The following OXR1 variants were observed in gnomAD, a reference collection of about 807,000 sequenced individuals.
The protein encoded by OXR1 is oxidation resistance 1.
In OXR1, 41 loss-of-function variants were observed where a neutral mutation model predicts 104.6. That is an observed-to-expected ratio of 0.39 (90% CI 0.31 to 0.51). The LOEUF is 0.51. Among genes scored for constraint, OXR1 ranks in the 20% least tolerant of loss-of-function variants. The probability of loss-of-function intolerance (pLI) is 0.77; values close to 1 mark genes in which losing one functional copy is unlikely to be tolerated. For synonymous variants in OXR1, 348 were observed against 348.4 expected, an observed-to-expected ratio of 1.00 and a Z score of 0.01; for missense variants, 955 against 1,031.9, an observed-to-expected ratio of 0.93 and a Z score of 1.02.
rs1345408403 is a variant in OXR1 at position 106,706,465 on chromosome 8, T to G, written c.944T>G (p.Ile315Ser). The change falls in exon 9 of 17, where the codon ATC becomes AGC. Residue 315 changes from isoleucine (I) to serine (S), a missense_variant. Around this residue, in one of 2 missense-constraint regions of OXR1, gnomAD observed 849 missense variants for 852.9 expected, o/e 1.00. Coordinates refer to ENST00000517566, the MANE Select transcript of OXR1 (RefSeq NM_001198533.2). ...AACACTGAGGAAATAGACTCAAGAATCCGAGATGCAGGTAATGATAGTGCC... is the reference window on the plus strand; with the variant it reads ...AACACTGAGGAAATAGACTCAAGAAGCCGAGATGCAGGTAATGATAGTGCC... ...GSNTEEIDSR[I>S]RDAGNDSAST... 2 of 1,595,864 alleles carry G rather than the reference T, an allele frequency of 1.3e-6. No individual in the cohort carries two copies. Among genetic ancestry groups the G allele is most frequent in the Non-Finnish European group, 1.7e-6 (2 of 1,175,372 alleles).
At chr8:106,628,280 G>A (rs894225910) in intron 3 of OXR1, among the ~76,000 whole-genome samples, 5 of 152,242 alleles carry the variant, frequency 3.3e-5, no homozygotes, top group African/African-American at 9.6e-5. Context: ...TTTCATAATA[G>A]CTAGCATTTA....
intron 3 of OXR1, among the ~76,000 whole-genome samples, chr8:106,534,907 T>C (rs1814368322): frequency 6.6e-6 from 1 of 152,220 alleles, no homozygotes; most frequent in South Asian, 2.1e-4. Context: ...ACATTATTGA[T>C]AAGTTTTTAA....
intron 3 of OXR1, among the ~76,000 whole-genome samples, chr8:106,641,865 A>G (rs1823668500): frequency 6.6e-6 from 1 of 152,250 alleles, no homozygotes; most frequent in Admixed American, 6.5e-5. Context: ...CCTACAATAA[A>G]GGAGAACAAG....
At chr8:106,329,330 C>CTGA (rs1283431460) in intron 1 of OXR1, among the ~76,000 whole-genome samples, 1 of 150,268 alleles carries the variant, frequency 6.7e-6, no homozygotes, top group Non-Finnish European at 1.5e-5. Flanking sequence ...TGCTGCTCAT[C>CTGA]TGTGTAATAC....
chr8:106,731,648 TATTTCTC>T (rs942442309), intron 11 of OXR1, among the ~76,000 whole-genome samples: 3 of 152,176 alleles, frequency 2.0e-5, no homozygotes, highest in Non-Finnish European at 4.4e-5. Flanking sequence ...TAAAGACCAT[TATTTCTC>T]CTCTGAATTG....
chr8:106,517,106 G>A (rs2130090298), intron 2 of OXR1, among the ~76,000 whole-genome samples: 1 of 152,220 alleles, frequency 6.6e-6, no homozygotes, highest in African/African-American at 2.4e-5. Context: ...ATGGTTAAAT[G>A]TTCACAAAGT....
rs1237940321 is a variant in OXR1, at chr8:106,678,427, CTTAT to C, written c.221-779_221-776del. 4.6e-5 allele frequency among the ~76,000 whole-genome samples: 7 copies of C among 151,926 alleles called. No individual in the cohort carries two copies. The South Asian group carries it at 6.2e-4, about 13-fold the overall frequency. On this transcript the variant is annotated intron_variant, in intron 3 of 16. Coordinates refer to ENST00000517566, the MANE Select transcript of OXR1 (RefSeq NM_001198533.2). The stretch of plus-strand genomic sequence containing the variant: ...TGTAGCATTTTGCCATGTTTACTAT[CTTAT>C]TTAATTTTGTGATTTATTTAGTTTT...
chr8:106,290,116 C>T (rs371836738), intron 1 of OXR1, among the ~76,000 whole-genome samples: 5 of 151,978 alleles, frequency 3.3e-5, no homozygotes, highest in South Asian at 2.1e-4. Context: ...CACACATAGA[C>T]GAATGGAACA....
At chr8:106,720,112 AT>A (rs1832700337) in intron 11 of OXR1, among the ~76,000 whole-genome samples, 1 of 152,054 alleles carries the variant, frequency 6.6e-6, no homozygotes, top group African/African-American at 2.4e-5. Flanking sequence ...GGCCCAGATA[AT>A]TTCTTTAAGC....
At chr8:106,427,831 C>A (rs924272853) in intron 2 of OXR1, among the ~76,000 whole-genome samples, 1 of 152,048 alleles carries the variant, frequency 6.6e-6, no homozygotes. Context: ...GGCACATGGT[C>A]TTAGTTGGGG....
chr8:106,626,827 T>A (rs1046993246), intron 3 of OXR1, among the ~76,000 whole-genome samples: 38 of 150,988 alleles, frequency 2.5e-4, no homozygotes, highest in African/African-American at 9.2e-4. Flanking sequence ...AATTAATTTT[T>A]AAATATATAT....
At chr8:106,304,998 A>G (rs1286662965) in intron 1 of OXR1, among the ~76,000 whole-genome samples, 1 of 152,146 alleles carries the variant, frequency 6.6e-6, no homozygotes, top group Non-Finnish European at 1.5e-5. Flanking sequence ...TATCAAAATT[A>G]CCTTTCTACA....
chr8:106,346,789 C>T (rs139741391), intron 1 of OXR1, among the ~76,000 whole-genome samples: 13,500 of 152,190 alleles, frequency 0.089, 702 homozygotes, highest in Middle Eastern at 0.13. Flanking sequence ...CTTGTAATCC[C>T]AGCACTTTGG....
chr8:106,581,173 T>C, intron 3 of OXR1: 1 of 1,277,430 alleles, frequency 7.8e-7, no homozygotes, highest in Non-Finnish European at 1.0e-6. Flanking sequence ...GCAAGAACAT[T>C]TGAAAGAGAA....
chr8:106,573,608 T>C (rs747101928), intron 3 of OXR1, among the ~76,000 whole-genome samples: 1 of 152,182 alleles, frequency 6.6e-6, no homozygotes, highest in Non-Finnish European at 1.5e-5. Context: ...GTTCTTCAAA[T>C]AAAGCCATTG....
At chr8:106,387,805 C>G (rs1002592112) in intron 2 of OXR1, among the ~76,000 whole-genome samples, 1 of 152,126 alleles carries the variant, frequency 6.6e-6, no homozygotes, top group Admixed American at 6.6e-5. Flanking sequence ...TCATTATGCT[C>G]CAACTCTTGA....
chr8:106,671,151 CAA>C (rs35468140), intron 3 of OXR1, among the ~76,000 whole-genome samples: 60 of 114,492 alleles, frequency 5.2e-4, no homozygotes, highest in Admixed American at 6.2e-4. Context: ...ACACCAAAGG[CAA>C]AAAAAAAAAA....
At chr8:106,610,856 A>G (rs1359358052) in intron 3 of OXR1, among the ~76,000 whole-genome samples, 3 of 152,268 alleles carry the variant, frequency 2.0e-5, no homozygotes, top group Non-Finnish European at 4.4e-5. Flanking sequence ...TTTTTAAACT[A>G]GCATAAAGCA....
At chr8:106,611,185 G>C (rs763633446) in intron 3 of OXR1, among the ~76,000 whole-genome samples, 10 of 152,206 alleles carry the variant, frequency 6.6e-5, no homozygotes, top group Non-Finnish European at 1.2e-4. Context: ...GACCTAAATA[G>C]AATGGCAGAG....
Sources: gnomAD v4.1 joint callset for allele counts (sites outside exome capture counted in the v4.1 genomes callset) on GRCh38, gnomAD v4.1.1 for gene constraint, gnomAD v4.1.1 regional missense constraint, MANE v1.5 for transcripts, NCBI Gene and HGNC (gene_info 2026-07-23, HGNC 2026-07-21) for gene names.